Variants in NELL2 observed in about 807,000 individuals in gnomAD.
The protein encoded by NELL2 is neural EGFL like 2.
In NELL2, 41 loss-of-function variants were observed where a neutral mutation model predicts 109.6. That is an observed-to-expected ratio of 0.37 (90% CI 0.29 to 0.49). NELL2 has a LOEUF of 0.49. Among genes scored for constraint, NELL2 ranks in the 20% least tolerant of loss-of-function variants. The pLI, the probability that NELL2 is intolerant of heterozygous loss-of-function variation, is 0.98. For missense variants in NELL2, 900 were observed against 1,008.3 expected, an observed-to-expected ratio of 0.89 and a Z score of 1.45; for synonymous variants, 355 against 344.7, an observed-to-expected ratio of 1.03 and a Z score of -0.33.
chr12:44,792,826 C>T (rs966302569), intron 3 of NELL2, among the ~76,000 whole-genome samples: 1 of 152,148 alleles, frequency 6.6e-6, no homozygotes. Context: ...GGTGAAACTA[C>T]CAACACCTTA....
chr12:44,782,578 A>G lies in NELL2; in HGVS notation c.336-2556T>C, dbSNP rs947435294. 5.9e-5 allele frequency among the ~76,000 whole-genome samples: 9 copies of G among 151,920 alleles called. No individual in the cohort carries two copies. In the East Asian group the frequency reaches 1.5e-3, roughly 26 times the overall value. On this transcript the variant is annotated intron_variant, in intron 3 of 19. Transcript: ENST00000429094. ...TAATATATATTGAAACTATTAATCA[A>G]AGGAAAGCAGAAATGGCTATATTAA...
At chr12:44,636,432 C>T (rs567505837) in intron 13 of NELL2, among the ~76,000 whole-genome samples, 77 of 152,148 alleles carry the variant, frequency 5.1e-4, no homozygotes, top group African/African-American at 1.4e-3. Flanking sequence ...TCATAAATAG[C>T]TCTTATTATT....
At chr12:44,899,067 GA>G (rs548712073) in intron 1 of NELL2, among the ~76,000 whole-genome samples, 286 of 146,500 alleles carry the variant, frequency 2.0e-3, no homozygotes, top group African/African-American at 6.4e-3. Flanking sequence ...AAAAAAGAAT[GA>G]AAAAAAAACA....
chr12:44,814,880 A>G (rs187366126), intron 3 of NELL2, among the ~76,000 whole-genome samples: 49 of 152,322 alleles, frequency 3.2e-4, no homozygotes, highest in African/African-American at 1.0e-3. Context: ...AGAGAAACCA[A>G]ATAAAGAGAT....
rs148628009 is a variant in NELL2 at position 44,797,984 on chromosome 12, T to G, written c.336-17962A>C. Among the ~76,000 whole-genome samples the G allele has an allele frequency of 9.0e-3, 308 of 34,254 alleles. 30 individuals carry two copies. The highest frequency in any genetic ancestry group is 0.018 in the African/African-American group (279 of 15,548). 22.5% of individuals were successfully genotyped at this position (34,254 alleles called of 152,430 possible). A position where few individuals can be genotyped will look rare whatever the true frequency, so the allele number is the denominator to read the frequency against. On this transcript the variant is annotated intron_variant, in intron 3 of 19. Transcript: ENST00000429094. ...TCATTCCATCCTAGATGGAATAAAA[T>G]CATTCCATCCTAGATGGAATGATGG...
At chr12:44,885,826 A>T (rs970649559) in intron 1 of NELL2, among the ~76,000 whole-genome samples, 3 of 151,772 alleles carry the variant, frequency 2.0e-5, no homozygotes, top group Admixed American at 6.6e-5. Flanking sequence ...AAAGCCAAAA[A>T]TTTTTTTGAA....
At chr12:44,645,854 C>T (rs987919183) in intron 13 of NELL2, among the ~76,000 whole-genome samples, 12 of 152,060 alleles carry the variant, frequency 7.9e-5, no homozygotes, top group Non-Finnish European at 1.3e-4. Flanking sequence ...CTAACTCCAG[C>T]CAATGTTTAT....
intron 3 of NELL2, among the ~76,000 whole-genome samples, chr12:44,792,796 G>T (rs1942482223): frequency 2.0e-5 from 3 of 152,150 alleles, no homozygotes; most frequent in Admixed American, 2.0e-4. Flanking sequence ...ATTGACAAGA[G>T]CTTTTTTAAA....
intron 15 of NELL2, among the ~76,000 whole-genome samples, chr12:44,590,777 G>T (rs1335761586): frequency 6.6e-6 from 1 of 151,962 alleles, no homozygotes; most frequent in African/African-American, 2.4e-5. Context: ...AATGGGATTA[G>T]ATCAAACCGA....
intron 2 of NELL2, 184 bp downstream of exon 2, chr12:44,875,041 G>A: frequency 1.4e-6 from 1 of 698,902 alleles, no homozygotes; most frequent in Non-Finnish European, 2.3e-6. Flanking sequence ...GGAGAAGGGT[G>A]AGGCAGGGGA....
rs561296141 is a variant in NELL2, at chr12:44,802,461, G to A, written c.335+13525C>T. Among the ~76,000 whole-genome samples the A allele has an allele frequency of 7.2e-5, 11 of 152,028 alleles. No homozygotes were observed. In the East Asian group the frequency reaches 1.2e-3, roughly 16 times the overall value. On this transcript the variant is annotated intron_variant, in intron 3 of 19. Transcript: ENST00000429094. ...AATATATCATATATATACGCTGATCGTGTTTTCATAAACGTATGTGATATA... is the reference window on the plus strand; with the variant it reads ...AATATATCATATATATACGCTGATCATGTTTTCATAAACGTATGTGATATA...
intron 1 of NELL2, among the ~76,000 whole-genome samples, chr12:44,882,275 T>G (rs965650172): frequency 6.6e-6 from 1 of 151,744 alleles, no homozygotes; most frequent in Admixed American, 6.6e-5. Flanking sequence ...ATTTTTCCAT[T>G]GCTGCGGTAA....
chr12:44,515,908 AAT>A (rs1592054085), intron 19 of NELL2, among the ~76,000 whole-genome samples: 1 of 151,938 alleles, frequency 6.6e-6, no homozygotes, highest in Non-Finnish European at 1.5e-5. Context: ...TTGATATTTC[AAT>A]ATGTTTTAAT....
At chr12:44,701,755 T>C (rs766534333) in intron 12 of NELL2, among the ~76,000 whole-genome samples, 13 of 152,106 alleles carry the variant, frequency 8.5e-5, no homozygotes, top group Non-Finnish European at 5.9e-5. Context: ...ACTACTGCAA[T>C]AGCCTTCCAA....
intron 15 of NELL2, among the ~76,000 whole-genome samples, chr12:44,548,879 G>T (rs1267340398): frequency 1.3e-5 from 2 of 152,106 alleles, no homozygotes; most frequent in Non-Finnish European, 1.5e-5. Flanking sequence ...TATGGAAGTT[G>T]ATTATAAAAC....
Position 44,852,964 on chromosome 12 carries a change from T to C in NELL2, c.184+22261A>G, listed in dbSNP as rs768473152. On this transcript the variant is annotated intron_variant, in intron 2 of 19. Coordinates refer to ENST00000429094, the MANE Select transcript of NELL2 (RefSeq NM_001145108.2). ...AATTTTTGTAGCAACTTTTAAAAAATTGACCTCTACATCAGAGGCTTAGTG... is the reference window on the plus strand; with the variant it reads ...AATTTTTGTAGCAACTTTTAAAAAACTGACCTCTACATCAGAGGCTTAGTG... 2.0e-5 allele frequency among the ~76,000 whole-genome samples: 3 copies of C among 152,128 alleles called. No homozygotes were observed. In the South Asian group the frequency reaches 6.2e-4, roughly 31 times the overall value.
At chr12:44,699,767 T>C (rs1217062376) in intron 12 of NELL2, among the ~76,000 whole-genome samples, 1 of 152,102 alleles carries the variant, frequency 6.6e-6, no homozygotes, top group South Asian at 2.1e-4. Context: ...CTCAGACACA[T>C]CCTACTTTCT....
chr12:44,659,762 C>T (rs1199389640), intron 13 of NELL2, among the ~76,000 whole-genome samples: 1 of 152,036 alleles, frequency 6.6e-6, no homozygotes, highest in African/African-American at 2.4e-5. Flanking sequence ...CCTTGAGGAA[C>T]ACCAGAGGAG....
At chr12:44,682,857 C>A (rs1292678212) in intron 12 of NELL2, among the ~76,000 whole-genome samples, 4 of 152,174 alleles carry the variant, frequency 2.6e-5, no homozygotes, top group African/African-American at 9.7e-5. Flanking sequence ...TAGTGTGATG[C>A]CTCCAGCTTT....
Sources: allele counts gnomAD v4.1 joint callset (sites outside exome capture counted in the v4.1 genomes callset), GRCh38; gene constraint gnomAD v4.1.1; transcripts MANE v1.5; gene names NCBI Gene and HGNC (gene_info 2026-07-23, HGNC 2026-07-21).